Variants in CAMKK2 observed in about 807,000 individuals in gnomAD.
CAMKK2 encodes the protein calcium/calmodulin dependent protein kinase kinase 2.
In CAMKK2, 30 loss-of-function variants were observed where a neutral mutation model predicts 67.2. The ratio of observed to expected loss-of-function variants is 0.45; its 90% CI spans 0.33 to 0.61. CAMKK2 has a LOEUF of 0.61. Among genes scored for constraint, CAMKK2 ranks in the 20% least tolerant of loss-of-function variants. The pLI is 0.02. For missense variants in CAMKK2, 643 were observed against 802.0 expected (o/e 0.80, Z 2.39); for synonymous variants, 322 against 326.2 (o/e 0.99, Z 0.14).
chr12:121,297,323 G>T (rs911118074), upstream of CAMKK2: 6 of 308,140 alleles, frequency 1.9e-5, no homozygotes, highest in Non-Finnish European at 3.9e-5. Context: ...TGGACTTTGG[G>T]CCACCACCGA....
Position 121,270,900 on chromosome 12 carries a change from T to C in CAMKK2, c.517A>G (p.Lys173Glu). Residue 173 changes from lysine to glutamate, a missense_variant and splice_region_variant, in exon 3 of 17, where the codon AAG becomes GAG. Physicochemically the swap from Lys to Glu is moderately conservative, Grantham distance 56. Around this residue, in one of 3 missense-constraint regions of CAMKK2, gnomAD observed 483 missense variants for 625.8 expected, o/e 0.77. Transcript: ENST00000404169. ...AGCCTAGCCCCAGGGATATTTACCT[T>C]TCCAATTTCATCCTTCAGGGTATAC... ...NQYTLKDEIG[K>E]GSYGVVKLAY... is the part of the protein sequence containing the mutation. The C allele has an allele frequency of 6.2e-7, 1 of 1,612,896 alleles. No homozygotes were observed. Among genetic ancestry groups the C allele is most frequent in the Non-Finnish European group, 8.5e-7 (1 of 1,178,956 alleles).
In CAMKK2 at chr12:121,249,812, G is replaced by C; in HGVS notation, c.1298C>G (p.Ser433Trp). Residue 433 changes from serine (S) to tryptophan (W), a missense_variant, in exon 13 of 17, where the codon TCG becomes TGG. By Grantham distance (177) the Ser-to-Trp change is radical. This residue lies in a region of CAMKK2 where 483 missense variants were observed against 625.8 expected (regional missense o/e 0.77). Transcript: ENST00000404169. ...CTTGATTTCCGGCACCACGATCCTC[G>C]ACTCGGGGTTCTTGTCCAGCATACG... ...ITRMLDKNPESRIVVPEIKLH... is the reference protein window; with the variant it reads ...ITRMLDKNPEWRIVVPEIKLH... The C allele has an allele frequency of 1.2e-6, 2 of 1,614,144 alleles. No homozygotes were observed. Among genetic ancestry groups the C allele is most frequent in the Non-Finnish European group, 1.7e-6 (2 of 1,180,014 alleles).
In CAMKK2 at chr12:121,274,382, T is replaced by C. The variant is rs199792967; in HGVS notation, c.145A>G (p.Met49Val). ...TCGGTGACCACAATGAAGGACTCCA[T>C]GCCCAGGTGGATGCTCAAGGATGAG... ...GLSSLSIHLG[M>V]ESFIVVTECE... The change falls in exon 2 of 17, where the codon ATG becomes GTG. Residue 49 changes from methionine to valine, a missense_variant. Physicochemically the swap from Met to Val is conservative, Grantham distance 21. Transcript: ENST00000404169. 6.2e-7 allele frequency: 1 copy of C among 1,613,492 alleles called. No individual in the cohort carries two copies. The highest frequency in any genetic ancestry group is 8.5e-7 in the Non-Finnish European group (1 of 1,179,930).
rs151103722 is a variant in CAMKK2, at chr12:121,254,544, C to T, written c.907+1006G>A. ...CTGATGTGTACTGGCTGATCTCAGC[C>T]CTGGTGAGAGATATGTTATCCCCAT... On this transcript the variant is annotated intron_variant, in intron 9 of 16. Coordinates refer to ENST00000404169, the MANE Select transcript of CAMKK2 (RefSeq NM_001270485.2). Among the ~76,000 whole-genome samples, 424 of 152,112 alleles carry T rather than the reference C, an allele frequency of 2.8e-3. 1 individual carries two copies. Among genetic ancestry groups the T allele is most frequent in the Non-Finnish European group, 4.6e-3 (314 of 68,008 alleles).
Position 121,244,642 on chromosome 12 carries a change from G to A in CAMKK2, c.1554-27C>T, listed in dbSNP as rs745335789. On this transcript the variant is annotated intron_variant, in intron 15 of 16. Transcript: ENST00000404169. Reference sequence around the variant, plus strand: ...TGGAATCACCAGAGGGAGGGAAAAGGGAAGTGAGAAGGGACCCTTGGGATC... The same window carrying A: ...TGGAATCACCAGAGGGAGGGAAAAGAGAAGTGAGAAGGGACCCTTGGGATC... The A allele has an allele frequency of 1.1e-5, 17 of 1,548,976 alleles. No individual in the cohort carries two copies. The East Asian group carries it at 4.1e-4, about 37-fold the overall frequency.
rs2136151863 is a variant in CAMKK2 at position 121,245,076 on chromosome 12, G to C, written c.1553+64C>G. The stretch of plus-strand genomic sequence containing the variant: ...GGACCTGTGCAGAGTGGTCTGGGCA[G>C]GGCTGCCCCAAGCCTAGCCTCCAGC... On this transcript the variant is annotated intron_variant, in intron 15 of 16. Transcript: ENST00000404169. This position sits in a 1 kb window ranked among gnomAD's most constrained non-coding sequence, Gnocchi z 5.8. 8.6e-7 allele frequency: 1 copy of C among 1,169,158 alleles called. No homozygotes were observed. The highest frequency in any genetic ancestry group is 1.3e-6 in the Non-Finnish European group (1 of 799,716). The allele number at this position is 1,169,158 out of a possible 1,614,324, so 72.4% of individuals were successfully genotyped here.
chr12:121,244,502 G>A (rs1212527131), intron 16 of CAMKK2, 71 bp downstream of exon 16: 8 of 1,423,820 alleles, frequency 5.6e-6, no homozygotes, highest in African/African-American at 1.4e-5. Context: ...GGATGCCCCC[G>A]TGCTCTGCAG....
chr12:121,252,787 G>T, intron 10 of CAMKK2, 73 bp from the exon 11 acceptor site: 1 of 1,462,150 alleles, frequency 6.8e-7, no homozygotes, highest in South Asian at 1.2e-5. Context: ...TTCCTTTGGG[G>T]AACCACCTCT....
At chr12:121,289,798 C>A (rs1464341834) in intron 1 of CAMKK2, among the ~76,000 whole-genome samples, 1 of 151,586 alleles carries the variant, frequency 6.6e-6, no homozygotes, top group East Asian at 1.9e-4. Flanking sequence ...AAGGTTGAGG[C>A]ACGACAATCG....
At chr12:121,258,797 G>C (rs1472492147) in intron 7 of CAMKK2, among the ~76,000 whole-genome samples, 1 of 150,822 alleles carries the variant, frequency 6.6e-6, no homozygotes, top group Non-Finnish European at 1.5e-5. Context: ...CCACCCGTCA[G>C]CTCAAACCCC....
intron 1 of CAMKK2, among the ~76,000 whole-genome samples, chr12:121,276,416 G>A (rs892134160): frequency 1.3e-5 from 2 of 152,088 alleles, no homozygotes; most frequent in African/African-American, 4.8e-5. Flanking sequence ...TGCAATGACT[G>A]AGCCGAGATC....
chr12:121,292,846 G>A (rs1340891748), intron 1 of CAMKK2, among the ~76,000 whole-genome samples: 1 of 152,014 alleles, frequency 6.6e-6, no homozygotes, highest in African/African-American at 2.4e-5. Flanking sequence ...GCATGCACCT[G>A]TAGTCTCATC....
intron 6 of CAMKK2, among the ~76,000 whole-genome samples, chr12:121,263,075 T>G (rs1893796885): frequency 6.6e-6 from 1 of 152,018 alleles, no homozygotes. Context: ...TTCAAGCGAT[T>G]CTCCTGCCTC....
In CAMKK2 at chr12:121,240,583, C is replaced by T. The variant is rs1357808592; in HGVS notation, c.*116G>A. On this transcript the variant is annotated 3_prime_UTR_variant, in exon 17 of 17. Transcript: ENST00000404169. The surrounding 1 kb of genome is among the most constrained non-coding windows in gnomAD (Gnocchi z 4.4). ...GGAAAAAACAAATAACCAGAGATGA[C>T]GATCGAGGCTCTACACACGTGCTGG... The T allele has an allele frequency of 8.5e-6, 13 of 1,530,960 alleles. No individual in the cohort carries two copies. The highest frequency in any genetic ancestry group is 2.0e-5 in the Admixed American group (1 of 50,062). 94.8% of individuals were successfully genotyped at this position (1,530,960 alleles called of 1,614,324 possible). A position where few individuals can be genotyped will look rare whatever the true frequency, so the allele number is the denominator to read the frequency against.
chr12:121,269,393 C>A, intron 4 of CAMKK2, 135 bp downstream of exon 4: 1 of 722,104 alleles, frequency 1.4e-6, no homozygotes, highest in Non-Finnish European at 2.4e-6. Context: ...CACTTCCTTC[C>A]TAAGGCACAA....
intron 5 of CAMKK2, among the ~76,000 whole-genome samples, chr12:121,264,807 A>C (rs1422929719): frequency 2.4e-5 from 3 of 124,440 alleles, no homozygotes; most frequent in Non-Finnish European, 5.1e-5. Context: ...TAATAATAAT[A>C]ATAATCACAA....
intron 16 of CAMKK2, chr12:121,243,841 A>G: frequency 6.1e-6 from 8 of 1,313,624 alleles, no homozygotes; most frequent in Non-Finnish European, 6.8e-6. Context: ...ATGTTTAAGA[A>G]ACAGAAGTGA....
intron 1 of CAMKK2, among the ~76,000 whole-genome samples, chr12:121,281,421 G>T (rs1280415940): frequency 1.3e-5 from 2 of 152,240 alleles, no homozygotes; most frequent in South Asian, 2.1e-4. Flanking sequence ...ATGATGTCCT[G>T]CCCGGGACAT....
At chr12:121,284,513 C>T (rs369394082) in intron 1 of CAMKK2, among the ~76,000 whole-genome samples, 1 of 152,028 alleles carries the variant, frequency 6.6e-6, no homozygotes, top group East Asian at 1.9e-4. Context: ...TTGGTGGAGA[C>T]AGGGTTTCAC....
Sources: allele counts gnomAD v4.1 joint callset (sites outside exome capture counted in the v4.1 genomes callset), GRCh38; gene constraint gnomAD v4.1.1; regional missense constraint gnomAD v4.1.1; non-coding constraint Gnocchi (gnomAD v3.1); transcripts MANE v1.5; gene names NCBI Gene and HGNC (gene_info 2026-07-23, HGNC 2026-07-21).